The following GLIS3 variants were observed in gnomAD, a reference collection of about 807,000 sequenced individuals.
GLIS3 encodes zinc finger protein GLIS3.
A neutral mutation model predicts 78.6 loss-of-function variants in GLIS3; 53 were observed. That is an observed-to-expected ratio of 0.67 (90% CI 0.54 to 0.85). The LOEUF (loss-of-function observed/expected upper bound fraction) is 0.85, where lower values mean the gene tolerates loss of function less well. GLIS3 is among the 40% of genes least tolerant of loss of function. The probability of loss-of-function intolerance (pLI) is 0.00; values close to 1 mark genes in which losing one functional copy is unlikely to be tolerated. For missense variants in GLIS3, 1,703 were observed against 1,231.1 expected, an observed-to-expected ratio of 1.38 and a Z score of -5.74; for synonymous variants, 684 against 509.9, an observed-to-expected ratio of 1.34 and a Z score of -4.60.
chr9:4,256,046 T>TA (rs894373624), intron 2 of GLIS3, among the ~76,000 whole-genome samples: 4 of 151,850 alleles, frequency 2.6e-5, no homozygotes, highest in African/African-American at 4.8e-5. Flanking sequence ...ATTTTTTTTT[T>TA]AAAAAAGGAT....
chr9:3,967,420 T>G (rs911430700), intron 4 of GLIS3, among the ~76,000 whole-genome samples: 1 of 152,020 alleles, frequency 6.6e-6, no homozygotes, highest in Non-Finnish European at 1.5e-5. Flanking sequence ...GGAGAATCAC[T>G]TGAACCCAGG....
chr9:3,874,612 C>G (rs1433125455), intron 8 of GLIS3, among the ~76,000 whole-genome samples: 2 of 152,024 alleles, frequency 1.3e-5, no homozygotes, highest in African/African-American at 4.8e-5. Flanking sequence ...GAACTGTGTC[C>G]TCAACCTGTG....
the GLIS3 span, among the ~76,000 whole-genome samples, chr9:4,481,965 G>A: frequency 1.3e-5 from 2 of 152,156 alleles, no homozygotes; most frequent in East Asian, 1.9e-4. Context: ...TTTAAAAAAC[G>A]TATGTCAAAA....
At position 3,829,338 on chromosome 9, in the gene GLIS3, T is replaced by C; in HGVS notation, c.2628A>G (p.Arg876=). 6.2e-7 allele frequency: 1 copy of C among 1,614,000 alleles called. No individual in the cohort carries two copies. The highest frequency in any genetic ancestry group is 1.3e-5 in the African/African-American group (1 of 75,008). The change falls in exon 10 of 11, where the codon AGA becomes AGG. Residue 876 remains arginine (R), a synonymous_variant. Transcript: ENST00000381971. ...TAATGCCCGAGTGAGTCGAGAAGGC[T>C]CTGTGGAAAACATCAAAACTGGCCT... The part of the protein sequence containing the change: ...MGQASFDVFH[R]AFSTHSGITV...
chr9:4,018,323 G>C (rs185612265), intron 4 of GLIS3, among the ~76,000 whole-genome samples: 4 of 152,294 alleles, frequency 2.6e-5, no homozygotes, highest in Admixed American at 2.6e-4. Flanking sequence ...CACAGGACTG[G>C]CTCTGGCAGC....
chr9:4,175,461 G>A (rs1413208590), intron 2 of GLIS3, among the ~76,000 whole-genome samples: 3 of 151,336 alleles, frequency 2.0e-5, no homozygotes, highest in African/African-American at 7.3e-5. Flanking sequence ...ATAAAAAGCT[G>A]GACCTCCAGC....
intron 4 of GLIS3, among the ~76,000 whole-genome samples, chr9:4,067,377 T>C (rs1827191045): frequency 6.6e-6 from 1 of 152,120 alleles, no homozygotes; most frequent in African/African-American, 2.4e-5. Flanking sequence ...TGCCTCCTGA[T>C]TGGAACCTGA....
intron 4 of GLIS3, among the ~76,000 whole-genome samples, chr9:3,957,886 T>G (rs1817254512): frequency 6.6e-6 from 1 of 152,240 alleles, no homozygotes; most frequent in African/African-American, 2.4e-5. Flanking sequence ...AATGCCCATG[T>G]TGCAAATCAG....
At chr9:4,396,024 G>A in the GLIS3 span, among the ~76,000 whole-genome samples, 419 of 151,754 alleles carry the variant, frequency 2.8e-3, no homozygotes, top group Non-Finnish European at 4.8e-3. Flanking sequence ...CACCTGCCTC[G>A]GCCTCCCAAA....
chr9:4,256,489 G>A lies in GLIS3; in HGVS notation c.388+29549C>T, dbSNP rs184714919. ...ATTAAAAATTATGATGTTGAATGCC[G>A]GTAAAATTGAAGTTTGGTGAGCATC... On this transcript the variant is annotated intron_variant, in intron 2 of 10. Coordinates refer to ENST00000381971, the MANE Select transcript of GLIS3 (RefSeq NM_001042413.2). Among the ~76,000 whole-genome samples, 241 of 152,178 alleles carry A rather than the reference G, an allele frequency of 1.6e-3. 2 individuals are homozygous for A. Among genetic ancestry groups the A allele is most frequent in the African/African-American group, 5.2e-3 (218 of 41,540 alleles).
upstream of GLIS3, among the ~76,000 whole-genome samples, chr9:4,349,712 T>TA: frequency 6.8e-6 from 1 of 147,046 alleles, no homozygotes; most frequent in East Asian, 2.1e-4. Flanking sequence ...AAATGATGAA[T>TA]AAAAGACAGA....
chr9:4,376,486 A>C, the GLIS3 span, among the ~76,000 whole-genome samples: 3 of 78,782 alleles, frequency 3.8e-5, no homozygotes, highest in African/African-American at 1.1e-4. Flanking sequence ...ATTTCTATTT[A>C]TGTTTAAACT....
At chr9:4,461,884 T>G in the GLIS3 span, among the ~76,000 whole-genome samples, 1 of 152,228 alleles carries the variant, frequency 6.6e-6, no homozygotes, top group Non-Finnish European at 1.5e-5. Flanking sequence ...TCAGAGATCC[T>G]TTGTTACTGC....
chr9:4,425,798 C>G, the GLIS3 span, among the ~76,000 whole-genome samples: 3 of 152,186 alleles, frequency 2.0e-5, no homozygotes, highest in Non-Finnish European at 2.9e-5. Context: ...GAACACCAAG[C>G]AGGCCTCCAC....
chr9:4,023,644 G>A (rs554162150), intron 4 of GLIS3, among the ~76,000 whole-genome samples: 1 of 152,302 alleles, frequency 6.6e-6, no homozygotes, highest in Admixed American at 6.5e-5. Context: ...GAACTTTCAG[G>A]TTTTCTACAA....
intron 8 of GLIS3, among the ~76,000 whole-genome samples, chr9:3,862,305 G>A (rs573807168): frequency 2.8e-4 from 43 of 152,270 alleles, no homozygotes; most frequent in Admixed American, 7.2e-4. Context: ...TTTATCATGG[G>A]CTAGTGGGAG....
intron 1 of GLIS3, chr9:4,298,581 T>C (rs1311552847): frequency 9.7e-6 from 3 of 310,726 alleles, no homozygotes; most frequent in Non-Finnish European, 1.9e-5. Flanking sequence ...GACTTCAAAA[T>C]ACACACAGGG....
chr9:4,348,298 A>C (rs1006567545), exon 1 of GLIS3: 1 of 152,214 alleles, frequency 6.6e-6, no homozygotes, highest in African/African-American at 2.4e-5. Flanking sequence ...TCGAGGACCA[A>C]GGTTTCTTTC....
intron 2 of GLIS3, among the ~76,000 whole-genome samples, chr9:4,326,796 A>T (rs1033871565): frequency 3.3e-5 from 5 of 152,116 alleles, no homozygotes; most frequent in African/African-American, 1.2e-4. Context: ...AGTGCCTGCG[A>T]AGGAGAAAGG....
Sources: allele counts gnomAD v4.1 joint callset (sites outside exome capture counted in the v4.1 genomes callset), GRCh38; gene constraint gnomAD v4.1.1; transcripts MANE v1.5; gene names NCBI Gene and HGNC (gene_info 2026-07-23, HGNC 2026-07-21).